SKAP2: variants seen among roughly 807,000 people sequenced by gnomAD.
SKAP2 encodes src kinase-associated phosphoprotein 2.
A neutral mutation model predicts 54.9 loss-of-function variants in SKAP2; 28 were observed. That is an observed-to-expected ratio of 0.51 (90% confidence interval 0.38 to 0.70). The LOEUF is 0.70. SKAP2 is among the 30% of genes least tolerant of loss of function. The pLI is 0.00. For missense variants in SKAP2, 356 were observed against 424.1 expected, an observed-to-expected ratio of 0.84 and a Z score of 1.41; for synonymous variants, 137 against 134.3, an observed-to-expected ratio of 1.02 and a Z score of -0.14.
chr7:26,780,005 C>T (rs1390301024), intron 4 of SKAP2, among the ~76,000 whole-genome samples: 1 of 152,052 alleles, frequency 6.6e-6, no homozygotes, highest in African/African-American at 2.4e-5. Context: ...ACTGTTATCT[C>T]TGACTCAAGA....
chr7:26,790,974 A>C (rs1019433852), intron 4 of SKAP2, among the ~76,000 whole-genome samples: 2 of 152,170 alleles, frequency 1.3e-5, no homozygotes, highest in Non-Finnish European at 2.9e-5. Context: ...GTCTTCCTTA[A>C]AGAAATATAT....
At chr7:26,830,603 A>G (rs116389519) in intron 4 of SKAP2, among the ~76,000 whole-genome samples, 107 of 152,274 alleles carry the variant, frequency 7.0e-4, no homozygotes, top group African/African-American at 2.5e-3. Context: ...TCAATGTGCT[A>G]TTCATATATA....
intron 11 of SKAP2, among the ~76,000 whole-genome samples, chr7:26,673,386 C>T (rs1786281799): frequency 6.6e-6 from 1 of 152,002 alleles, no homozygotes; most frequent in African/African-American, 2.4e-5. Context: ...TATTGCATCC[C>T]TTTGTAGGAC....
At chr7:26,754,307 C>T (rs1782743902) in intron 4 of SKAP2, among the ~76,000 whole-genome samples, 1 of 149,422 alleles carries the variant, frequency 6.7e-6, no homozygotes, top group Non-Finnish European at 1.5e-5. Flanking sequence ...GACGTTGCAG[C>T]AAGCCAAGAT....
At chr7:26,859,882 G>A (rs1268282541) in intron 1 of SKAP2, among the ~76,000 whole-genome samples, 2 of 152,142 alleles carry the variant, frequency 1.3e-5, no homozygotes, top group African/African-American at 4.8e-5. Flanking sequence ...AGCTTTAATT[G>A]AAAAAGACAA....
intron 3 of SKAP2, among the ~76,000 whole-genome samples, chr7:26,850,916 T>C (rs1562635596): frequency 6.6e-6 from 1 of 152,078 alleles, no homozygotes; most frequent in African/African-American, 2.4e-5. Context: ...AAGAAAGTTT[T>C]AAAACAATAG....
chr7:26,658,611 C>T, the SKAP2 span, among the ~76,000 whole-genome samples: 1 of 151,976 alleles, frequency 6.6e-6, no homozygotes, highest in Non-Finnish European at 1.5e-5. Flanking sequence ...ACACATTTAT[C>T]CTACTGAATT....
chr7:26,707,823 C>A (rs1042026779), intron 9 of SKAP2, among the ~76,000 whole-genome samples: 11 of 152,300 alleles, frequency 7.2e-5, no homozygotes, highest in African/African-American at 2.4e-4. Flanking sequence ...AACCCCCAAG[C>A]CTGTCCAATG....
chr7:26,756,843 A>T (rs1161442995), intron 4 of SKAP2, among the ~76,000 whole-genome samples: 5 of 152,092 alleles, frequency 3.3e-5, no homozygotes, highest in African/African-American at 1.2e-4. Flanking sequence ...CAGCACCTGT[A>T]GTTTCCTGAC....
intron 4 of SKAP2, among the ~76,000 whole-genome samples, chr7:26,774,797 G>A (rs1316008941): frequency 6.6e-6 from 1 of 152,144 alleles, no homozygotes; most frequent in Non-Finnish European, 1.5e-5. Flanking sequence ...CAATAATCTA[G>A]ATAGACTTTT....
At chr7:26,852,912 G>A (rs3801810) in intron 3 of SKAP2, among the ~76,000 whole-genome samples, 32,306 of 151,866 alleles carry the variant, frequency 0.21, 3,521 homozygotes, top group Non-Finnish European at 0.24. Context: ...AAAAGTTATC[G>A]TAATTAAAAT....
chr7:26,850,755 T>C (rs899606517), intron 3 of SKAP2, among the ~76,000 whole-genome samples: 2 of 152,162 alleles, frequency 1.3e-5, no homozygotes, highest in African/African-American at 2.4e-5. Context: ...TCTAGCTGAT[T>C]AGATTCAAAT....
chr7:26,756,816 T>C (rs1390970141), intron 4 of SKAP2, among the ~76,000 whole-genome samples: 1 of 152,230 alleles, frequency 6.6e-6, no homozygotes, highest in Non-Finnish European at 1.5e-5. Context: ...AGTGTTCCTA[T>C]TTCTCCATAT....
At chr7:26,696,777 A>C (rs917908590) in intron 9 of SKAP2, among the ~76,000 whole-genome samples, 1 of 152,158 alleles carries the variant, frequency 6.6e-6, no homozygotes, top group African/African-American at 2.4e-5. Flanking sequence ...TATGACATTA[A>C]AATTAATAAT....
chr7:26,823,425 CAAAAAAAAA>C (rs60207927), intron 4 of SKAP2, among the ~76,000 whole-genome samples: 2 of 94,018 alleles, frequency 2.1e-5, no homozygotes, highest in Non-Finnish European at 3.9e-5. Flanking sequence ...GACTTTGTCT[CAAAAAAAAA>C]AAAAAAAAAA....
chr7:26,805,261 G>T (rs1352753516), intron 4 of SKAP2, among the ~76,000 whole-genome samples: 14 of 152,162 alleles, frequency 9.2e-5, no homozygotes, highest in South Asian at 2.1e-4. Flanking sequence ...TACAGAAAAT[G>T]TCTCTAGACA....
chr7:26,815,502 A>T (rs1266885515), intron 4 of SKAP2, among the ~76,000 whole-genome samples: 1 of 152,208 alleles, frequency 6.6e-6, no homozygotes, highest in Non-Finnish European at 1.5e-5. Context: ...AGCAAAAAAC[A>T]TCCCATCAGC....
intron 11 of SKAP2, among the ~76,000 whole-genome samples, chr7:26,671,908 A>G (rs1034119009): frequency 2.8e-4 from 43 of 152,042 alleles, no homozygotes; most frequent in African/African-American, 1.0e-3. Context: ...AAGGCAATGA[A>G]TACAATTAAA....
chr7:26,659,998 C>A, the SKAP2 span, among the ~76,000 whole-genome samples: 1 of 151,966 alleles, frequency 6.6e-6, no homozygotes, highest in Non-Finnish European at 1.5e-5. Context: ...AACAAAAAAA[C>A]CCATGGTAAT....
Sources: gnomAD v4.1 joint callset for allele counts (sites outside exome capture counted in the v4.1 genomes callset) on GRCh38, gnomAD v4.1.1 for gene constraint, MANE v1.5 for transcripts, NCBI Gene and HGNC (gene_info 2026-07-23, HGNC 2026-07-21) for gene names.